Variants in UGGT2 observed in about 807,000 individuals in gnomAD.
The protein encoded by UGGT2 is UDP-glucose glycoprotein glucosyltransferase 2.
Under a neutral mutation model 192.1 loss-of-function variants are expected in UGGT2, and 180 were observed. The ratio of observed to expected loss-of-function variants is 0.94; its 90% CI spans 0.83 to 1.06. UGGT2 has a LOEUF of 1.06. UGGT2 is among the 50% of genes least tolerant of loss of function. The pLI is 0.00. For missense variants in UGGT2, 1,849 were observed against 1,795.7 expected (o/e 1.03, Z -0.54); for synonymous variants, 580 against 591.0 (o/e 0.98, Z 0.27).
intron 36 of UGGT2, among the ~76,000 whole-genome samples, chr13:95,845,833 C>T (rs1346290409): frequency 6.6e-6 from 1 of 150,488 alleles, no homozygotes; most frequent in Admixed American, 6.6e-5. Context: ...GGCGGGGTGG[C>T]GGGGCAGAGG....
intron 8 of UGGT2, among the ~76,000 whole-genome samples, chr13:95,987,272 T>A (rs1023241621): frequency 6.6e-6 from 1 of 152,198 alleles, no homozygotes; most frequent in East Asian, 1.9e-4. Flanking sequence ...CCTAGAATTA[T>A]CTTTGACTCC....
chr13:95,906,546 G>T (rs1325697178), intron 20 of UGGT2, among the ~76,000 whole-genome samples: 1 of 152,048 alleles, frequency 6.6e-6, no homozygotes, highest in East Asian at 1.9e-4. Context: ...AAGAAACATA[G>T]AAGATACTTT....
intron 36 of UGGT2, among the ~76,000 whole-genome samples, chr13:95,845,487 G>A (rs1025630886): frequency 6.0e-5 from 9 of 150,720 alleles, no homozygotes; most frequent in Non-Finnish European, 1.0e-4. Flanking sequence ...GGGGTTGGGG[G>A]TAAGGTTATA....
At chr13:95,939,753 G>C (rs1307164528) in intron 16 of UGGT2, among the ~76,000 whole-genome samples, 4 of 151,958 alleles carry the variant, frequency 2.6e-5, no homozygotes, top group Admixed American at 2.6e-4. Context: ...TAGATCTCTT[G>C]AACTTATTTC....
At chr13:95,837,611 T>A (rs183747826) in intron 36 of UGGT2, among the ~76,000 whole-genome samples, 1 of 152,360 alleles carries the variant, frequency 6.6e-6, no homozygotes, top group East Asian at 1.9e-4. Context: ...TTGGAAACAA[T>A]GATCCATGAA....
chr13:95,948,992 TCTC>T (rs1480409575), intron 13 of UGGT2, among the ~76,000 whole-genome samples: 1 of 152,158 alleles, frequency 6.6e-6, no homozygotes, highest in African/African-American at 2.4e-5. Context: ...TGCTCATACT[TCTC>T]CTTCCTGCCA....
At chr13:95,860,690 GT>G (rs1249603487) in intron 32 of UGGT2, 97 bp downstream of exon 32, 542 of 605,642 alleles carry the variant, frequency 8.9e-4, no homozygotes, top group South Asian at 1.4e-3. Context: ...AGAGGTGGGA[GT>G]TTTTTTTTTC....
chr13:96,032,949 T>C (rs1051151094), intron 1 of UGGT2, among the ~76,000 whole-genome samples: 3 of 152,200 alleles, frequency 2.0e-5, no homozygotes, highest in Non-Finnish European at 4.4e-5. Context: ...CTTAACTGAT[T>C]TGACCAAACA....
chr13:95,874,757 CCATGGCT>C (rs1891519178), intron 29 of UGGT2, among the ~76,000 whole-genome samples: 1 of 152,018 alleles, frequency 6.6e-6, no homozygotes, highest in South Asian at 2.1e-4. Flanking sequence ...AGTGGCATGA[CCATGGCT>C]CACTGCAGTT....
chr13:95,860,456 C>G (rs1341698229), intron 32 of UGGT2, among the ~76,000 whole-genome samples: 2 of 148,814 alleles, frequency 1.3e-5, no homozygotes, highest in Non-Finnish European at 3.0e-5. Flanking sequence ...CATGAAATTT[C>G]ATATTTATAT....
rs1884064354 is a variant in UGGT2, at chr13:95,801,678, T to C, written c.*112A>G. On this transcript the variant is annotated 3_prime_UTR_variant, in exon 39 of 39. Transcript: ENST00000376747. ...TACAATTTTTTAAAATTAAAGAATA[T>C]GTCACTGATCTTAACGAGACTTCCA... 9.6e-7 allele frequency: 1 copy of C among 1,040,288 alleles called. No individual in the cohort carries two copies. Among genetic ancestry groups the C allele is most frequent in the Non-Finnish European group, 1.4e-6 (1 of 701,556 alleles). The allele number at this position is 1,040,288 out of a possible 1,614,324, so 64.4% of individuals were successfully genotyped here. A position where few individuals can be genotyped will look rare whatever the true frequency, so the allele number is the denominator to read the frequency against.
chr13:96,004,979 AAGAAC>A (rs1299960283), intron 5 of UGGT2, among the ~76,000 whole-genome samples: 1 of 152,108 alleles, frequency 6.6e-6, no homozygotes, highest in Non-Finnish European at 1.5e-5. Flanking sequence ...TATTATTTAA[AAGAAC>A]ACTCCAATTG....
chr13:95,863,780 G>A, intron 30 of UGGT2, 66 bp from the exon 31 acceptor site: 2 of 1,290,712 alleles, frequency 1.5e-6, no homozygotes, highest in Admixed American at 3.5e-5. Flanking sequence ...TGGTTAGAAA[G>A]TGAAACATAT....
intron 16 of UGGT2, among the ~76,000 whole-genome samples, chr13:95,939,029 T>G (rs1225645256): frequency 6.6e-6 from 1 of 152,334 alleles, no homozygotes; most frequent in East Asian, 1.9e-4. Flanking sequence ...GGTTTTTCAC[T>G]GTTGCCAAGA....
intron 20 of UGGT2, among the ~76,000 whole-genome samples, chr13:95,904,731 C>T (rs140366818): frequency 0.021 from 3,202 of 152,124 alleles, 111 homozygotes; most frequent in African/African-American, 0.074. Flanking sequence ...GTCTTTGCTA[C>T]TGTGAACAAT....
At chr13:95,905,140 G>A (rs960325306) in intron 20 of UGGT2, among the ~76,000 whole-genome samples, 2 of 152,140 alleles carry the variant, frequency 1.3e-5, no homozygotes, top group African/African-American at 4.8e-5. Flanking sequence ...TTGTGATGGG[G>A]TTGTTTGTTT....
At chr13:96,020,083 C>T (rs1004333683) in intron 4 of UGGT2, among the ~76,000 whole-genome samples, 1 of 152,134 alleles carries the variant, frequency 6.6e-6, no homozygotes, top group Non-Finnish European at 1.5e-5. Flanking sequence ...TGATACCATG[C>T]TAGGGCCCAG....
At chr13:95,910,273 C>A (rs1374894738) in intron 20 of UGGT2, among the ~76,000 whole-genome samples, 1 of 151,924 alleles carries the variant, frequency 6.6e-6, no homozygotes, top group Non-Finnish European at 1.5e-5. Flanking sequence ...GGCTAAAAGC[C>A]CCAATTAAAA....
chr13:95,976,034 T>C lies in UGGT2; in HGVS notation c.1093-3363A>G, dbSNP rs142698710. On this transcript the variant is annotated intron_variant, in intron 10 of 38. Transcript: ENST00000376747. Reference sequence around the variant, plus strand: ...AATGTTAAGCATAATCACCCTATTATGCTAATGAATAGATCTTATTCCTGA... The same window carrying C: ...AATGTTAAGCATAATCACCCTATTACGCTAATGAATAGATCTTATTCCTGA... 3.5e-3 allele frequency among the ~76,000 whole-genome samples: 531 copies of C among 152,254 alleles called. 5 individuals are homozygous for C. Among genetic ancestry groups the C allele is most frequent in the African/African-American group, 0.012 (501 of 41,564 alleles).
Sources: gnomAD v4.1 joint callset for allele counts (sites outside exome capture counted in the v4.1 genomes callset) on GRCh38, gnomAD v4.1.1 for gene constraint, MANE v1.5 for transcripts, NCBI Gene and HGNC (gene_info 2026-07-23, HGNC 2026-07-21) for gene names.